Variants in APBB2 observed in about 807,000 individuals in gnomAD.
The protein encoded by APBB2 is Fe65-like 1.
In APBB2, 38 loss-of-function variants were observed where a neutral mutation model predicts 82.5. The ratio of observed to expected loss-of-function variants is 0.46; its 90% CI spans 0.36 to 0.60. The LOEUF (loss-of-function observed/expected upper bound fraction) is 0.60. Among genes scored for constraint, APBB2 ranks in the 20% least tolerant of loss-of-function variants. The pLI is 0.00. For missense variants in APBB2, 772 were observed against 972.3 expected, an observed-to-expected ratio of 0.79 and a Z score of 2.74; for synonymous variants, 341 against 368.2, an observed-to-expected ratio of 0.93 and a Z score of 0.85.
intron 10 of APBB2, among the ~76,000 whole-genome samples, chr4:40,926,338 C>T (rs1265891374): frequency 6.6e-6 from 1 of 152,234 alleles, no homozygotes; most frequent in African/African-American, 2.4e-5. Flanking sequence ...GATTGGACCA[C>T]AAGTCTGGAT....
At chr4:41,141,841 C>T (rs575626906) in intron 2 of APBB2, among the ~76,000 whole-genome samples, 8 of 152,298 alleles carry the variant, frequency 5.3e-5, no homozygotes, top group Admixed American at 2.0e-4. Flanking sequence ...ATCACAAGAA[C>T]GGCACAGGAA....
chr4:41,011,120 T>C (rs1300959429), intron 6 of APBB2, among the ~76,000 whole-genome samples: 1 of 151,714 alleles, frequency 6.6e-6, no homozygotes, highest in African/African-American at 2.4e-5. Context: ...TCACAACATT[T>C]GGGTAAATTT....
intron 6 of APBB2, among the ~76,000 whole-genome samples, chr4:40,992,166 T>G (rs887616680): frequency 3.3e-5 from 4 of 122,446 alleles, no homozygotes; most frequent in African/African-American, 1.1e-4. Flanking sequence ...TGCAGCTGCC[T>G]TTTTTGTTTG....
rs552965799 is a variant in APBB2, at chr4:41,109,803, A to T, written c.-260-9053T>A. On this transcript the variant is annotated intron_variant, in intron 2 of 17. Transcript: ENST00000508593. The stretch of plus-strand genomic sequence containing the variant: ...AATATGATTTTATAAAGGTGTTTAT[A>T]TCATTTTATCCCTATTTTACAGAAG... 3.3e-5 allele frequency among the ~76,000 whole-genome samples: 5 copies of T among 152,276 alleles called. No homozygotes were observed. The South Asian group carries it at 1.0e-3, about 32-fold the overall frequency.
chr4:41,041,361 TATTTAATAAGTATATGGAATGCAAA>T (rs1721447893), intron 4 of APBB2, among the ~76,000 whole-genome samples: 2 of 151,960 alleles, frequency 1.3e-5, no homozygotes, highest in African/African-American at 4.8e-5. Context: ...TAATGAAGAG[TATTTAATAAGTATATGGAATGCAAA>T]ATTTCATTCC....
At chr4:41,047,306 C>G (rs1168021879) in intron 4 of APBB2, among the ~76,000 whole-genome samples, 1 of 152,202 alleles carries the variant, frequency 6.6e-6, no homozygotes, top group East Asian at 1.9e-4. Context: ...AAAGGAAACT[C>G]AAAGATTCTA....
intron 1 of APBB2, among the ~76,000 whole-genome samples, chr4:41,195,720 G>C: frequency 6.6e-6 from 1 of 151,670 alleles, no homozygotes; most frequent in African/African-American, 2.4e-5. Context: ...CCTACCCTTA[G>C]ATCCTTCTGA....
intron 12 of APBB2, among the ~76,000 whole-genome samples, chr4:40,851,205 A>G (rs1327851697): frequency 6.6e-6 from 1 of 152,204 alleles, no homozygotes; most frequent in East Asian, 1.9e-4. Context: ...GTTACAGGTG[A>G]CAAACTCCCA....
intron 12 of APBB2, among the ~76,000 whole-genome samples, chr4:40,851,259 A>G (rs889250507): frequency 2.6e-5 from 4 of 152,198 alleles, no homozygotes; most frequent in African/African-American, 9.7e-5. Context: ...GAGTAAGAGC[A>G]TTTACAACCT....
intron 6 of APBB2, among the ~76,000 whole-genome samples, chr4:40,954,028 C>T (rs1168978876): frequency 6.6e-6 from 1 of 152,102 alleles, no homozygotes; most frequent in Non-Finnish European, 1.5e-5. Flanking sequence ...CAGCAAGGAC[C>T]GGCTCCTTCC....
chr4:40,876,339 C>T (rs1391852901), intron 12 of APBB2, among the ~76,000 whole-genome samples: 1 of 152,228 alleles, frequency 6.6e-6, no homozygotes, highest in Admixed American at 6.5e-5. Context: ...AAAGATTCTT[C>T]CTGCCTCGTT....
chr4:40,964,453 A>AGCTAGATGAC (rs1560400582), intron 6 of APBB2, among the ~76,000 whole-genome samples: 1 of 144,052 alleles, frequency 6.9e-6, no homozygotes, highest in Admixed American at 7.2e-5. Flanking sequence ...TAAGATAAAC[A>AGCTAGATGAC]AATCATTTTT....
intron 12 of APBB2, among the ~76,000 whole-genome samples, chr4:40,860,032 C>T (rs1418028882): frequency 6.6e-6 from 1 of 152,234 alleles, no homozygotes; most frequent in Non-Finnish European, 1.5e-5. Flanking sequence ...CCTGCTGCAG[C>T]TTGGTGTTAA....
At chr4:41,062,379 A>G (rs1339093683) in intron 4 of APBB2, among the ~76,000 whole-genome samples, 1 of 151,440 alleles carries the variant, frequency 6.6e-6, no homozygotes, top group Non-Finnish European at 1.5e-5. Context: ...GGGCTTTACC[A>G]TGTTGGCCAG....
chr4:41,036,622 G>A (rs912076232), intron 4 of APBB2, among the ~76,000 whole-genome samples: 1 of 152,120 alleles, frequency 6.6e-6, no homozygotes, highest in Non-Finnish European at 1.5e-5. Context: ...AATAACTTAG[G>A]TGTAAGAGAA....
intron 12 of APBB2, among the ~76,000 whole-genome samples, chr4:40,838,967 G>A (rs1223996844): frequency 1.3e-5 from 2 of 152,178 alleles, no homozygotes; most frequent in African/African-American, 4.8e-5. Context: ...GGTACCTAGA[G>A]TATTTCCATG....
intron 3 of APBB2, among the ~76,000 whole-genome samples, chr4:41,084,110 T>A (rs964856024): frequency 6.6e-5 from 10 of 152,294 alleles, no homozygotes; most frequent in Non-Finnish European, 1.5e-4. Context: ...AATAAATCTA[T>A]GAAAACTTTG....
chr4:41,200,373 C>T (rs1008796121), intron 1 of APBB2, among the ~76,000 whole-genome samples: 64 of 150,350 alleles, frequency 4.3e-4, no homozygotes, highest in African/African-American at 1.5e-3. Context: ...AATGAATGAC[C>T]TATTTTTTTT....
intron 6 of APBB2, among the ~76,000 whole-genome samples, chr4:40,948,585 A>C (rs1789103879): frequency 6.6e-6 from 1 of 151,692 alleles, no homozygotes; most frequent in African/African-American, 2.4e-5. Context: ...GCATGGTGAA[A>C]TCCTGTCTCT....
Sources: gnomAD v4.1 joint callset for allele counts (sites outside exome capture counted in the v4.1 genomes callset) on GRCh38, gnomAD v4.1.1 for gene constraint, MANE v1.5 for transcripts, NCBI Gene and HGNC (gene_info 2026-07-23, HGNC 2026-07-21) for gene names.